PTPRK: variants seen among roughly 807,000 people sequenced by gnomAD.
PTPRK encodes protein tyrosine phosphatase receptor type K.
A neutral mutation model predicts 178.0 loss-of-function variants in PTPRK; 75 were observed. The observed-to-expected ratio is 0.42, with a 90% CI of 0.35 to 0.51. The LOEUF (loss-of-function observed/expected upper bound fraction) is 0.51. Among genes scored for constraint, PTPRK ranks in the 20% least tolerant of loss-of-function variants. The pLI is 0.02. For missense variants in PTPRK, 1,441 were observed against 1,797.8 expected, an observed-to-expected ratio of 0.80 and a Z score of 3.59; for synonymous variants, 637 against 620.6, an observed-to-expected ratio of 1.03 and a Z score of -0.39.
At chr6:128,330,092 T>G (rs567487915) in intron 2 of PTPRK, among the ~76,000 whole-genome samples, 3 of 152,142 alleles carry the variant, frequency 2.0e-5, no homozygotes, top group African/African-American at 7.2e-5. Flanking sequence ...ACAAAGAACA[T>G]GCCAGAAACT....
intron 7 of PTPRK, among the ~76,000 whole-genome samples, chr6:128,163,064 C>G (rs17055398): frequency 0.036 from 5,460 of 150,602 alleles, 335 homozygotes; most frequent in African/African-American, 0.13. Context: ...TTTTTCCTAC[C>G]AAGAAATATT....
At chr6:128,039,817 G>A (rs1048581879) in intron 13 of PTPRK, among the ~76,000 whole-genome samples, 4 of 152,064 alleles carry the variant, frequency 2.6e-5, no homozygotes, top group African/African-American at 9.7e-5. Context: ...CCTCTTCTTT[G>A]GAGCACAATG....
intron 1 of PTPRK, among the ~76,000 whole-genome samples, chr6:128,446,685 G>A (rs963841740): frequency 2.0e-5 from 3 of 152,138 alleles, no homozygotes; most frequent in Non-Finnish European, 4.4e-5. Flanking sequence ...ATGCAGTTAT[G>A]TTTCAATTTA....
At chr6:128,041,256 CAT>C (rs1390502672) in intron 13 of PTPRK, among the ~76,000 whole-genome samples, 2 of 152,058 alleles carry the variant, frequency 1.3e-5, no homozygotes, top group African/African-American at 2.4e-5. Context: ...ATGAATCACA[CAT>C]AGTGGTCACC....
intron 5 of PTPRK, among the ~76,000 whole-genome samples, chr6:128,222,755 T>C (rs1305998609): frequency 6.6e-6 from 1 of 152,230 alleles, no homozygotes; most frequent in Non-Finnish European, 1.5e-5. Flanking sequence ...TGTTTATGCA[T>C]TGCCAATATT....
chr6:128,015,033 C>G (rs145907737), intron 13 of PTPRK, among the ~76,000 whole-genome samples: 3 of 151,702 alleles, frequency 2.0e-5, no homozygotes, highest in African/African-American at 7.2e-5. Flanking sequence ...GTGCAAAAGT[C>G]TATGAAGACT....
intron 7 of PTPRK, among the ~76,000 whole-genome samples, chr6:128,146,243 T>C (rs1486895131): frequency 3.9e-5 from 6 of 152,196 alleles, no homozygotes; most frequent in Admixed American, 1.3e-4. Flanking sequence ...TTTGGGGTAA[T>C]AAAAATGTTC....
chr6:128,197,507 C>A (rs1805096485), intron 6 of PTPRK, among the ~76,000 whole-genome samples: 1 of 151,852 alleles, frequency 6.6e-6, no homozygotes, highest in African/African-American at 2.4e-5. Context: ...ATTTTGAAAT[C>A]TACTTTCAAA....
intron 2 of PTPRK, among the ~76,000 whole-genome samples, chr6:128,380,886 CAAGT>C (rs1356791688): frequency 6.6e-6 from 1 of 152,116 alleles, no homozygotes; most frequent in East Asian, 1.9e-4. Flanking sequence ...ATGTAGAATC[CAAGT>C]AAGTATCTTA....
chr6:128,141,539 T>A (rs1306496617), intron 7 of PTPRK, among the ~76,000 whole-genome samples: 2 of 151,790 alleles, frequency 1.3e-5, no homozygotes, highest in Non-Finnish European at 2.9e-5. Flanking sequence ...ACTCCTCACC[T>A]AAAATCCTGT....
chr6:127,986,523 C>T (rs930832499), intron 21 of PTPRK, among the ~76,000 whole-genome samples: 2 of 152,110 alleles, frequency 1.3e-5, no homozygotes, highest in Admixed American at 6.6e-5. Flanking sequence ...TGCTGCTCTC[C>T]TATTGGGTTA....
intron 5 of PTPRK, among the ~76,000 whole-genome samples, chr6:128,230,528 C>G (rs935827608): frequency 6.6e-6 from 1 of 152,050 alleles, no homozygotes; most frequent in African/African-American, 2.4e-5. Context: ...TGATGTTTAC[C>G]CGATATTGAG....
At chr6:127,973,629 G>T in intron 28 of PTPRK, 35 bp downstream of exon 28, 3 of 1,606,844 alleles carry the variant, frequency 1.9e-6, no homozygotes, top group Admixed American at 1.7e-5. Context: ...AAGCACCAAG[G>T]CCCCATGAAT....
At chr6:128,339,596 T>C (rs559247367) in intron 2 of PTPRK, among the ~76,000 whole-genome samples, 6 of 152,272 alleles carry the variant, frequency 3.9e-5, no homozygotes, top group Admixed American at 2.0e-4. Context: ...AAATTGCAAC[T>C]AATTGTGATT....
intron 5 of PTPRK, among the ~76,000 whole-genome samples, chr6:128,230,135 T>C (rs1812059585): frequency 6.6e-6 from 1 of 152,194 alleles, no homozygotes; most frequent in Non-Finnish European, 1.5e-5. Context: ...GGATCAAACT[T>C]GACCCTGGAT....
intron 7 of PTPRK, among the ~76,000 whole-genome samples, chr6:128,120,748 T>G (rs1286257127): frequency 3.3e-5 from 5 of 151,926 alleles, no homozygotes; most frequent in Non-Finnish European, 7.4e-5. Flanking sequence ...CAGTTTAAAT[T>G]TTTTTAAGGA....
chr6:128,038,815 G>A (rs867203793), intron 13 of PTPRK, among the ~76,000 whole-genome samples: 30 of 151,856 alleles, frequency 2.0e-4, no homozygotes, highest in Admixed American at 5.9e-4. Context: ...CATTCTTCAT[G>A]CAACAATTTT....
At chr6:128,292,522 A>G (rs1005329798) in intron 3 of PTPRK, among the ~76,000 whole-genome samples, 6 of 152,068 alleles carry the variant, frequency 3.9e-5, no homozygotes, top group African/African-American at 9.7e-5. Flanking sequence ...TCTATTTCAG[A>G]TATTATTTTA....
chr6:128,443,109 GATTA>G (rs1846498843), intron 1 of PTPRK, among the ~76,000 whole-genome samples: 1 of 151,594 alleles, frequency 6.6e-6, no homozygotes, highest in Non-Finnish European at 1.5e-5. Flanking sequence ...AAAACAATAA[GATTA>G]ATTATTTAAA....
Sources: gnomAD v4.1 joint callset for allele counts (sites outside exome capture counted in the v4.1 genomes callset) on GRCh38, gnomAD v4.1.1 for gene constraint, MANE v1.5 for transcripts, NCBI Gene and HGNC (gene_info 2026-07-23, HGNC 2026-07-21) for gene names.